Variants in CCDC80 observed in about 807,000 individuals in gnomAD.
CCDC80 encodes coiled-coil domain containing 80, also known as coiled-coil domain-containing protein 80.
In CCDC80, 49 loss-of-function variants were observed where a neutral mutation model predicts 78.7. That is an observed-to-expected ratio of 0.62 (90% CI 0.50 to 0.79). CCDC80 has a LOEUF of 0.79. Ranked by LOEUF, CCDC80 falls within the 30% of genes least tolerant of loss-of-function variation. The pLI is 0.00. For missense variants in CCDC80, 1,205 were observed against 1,198.6 expected, an observed-to-expected ratio of 1.01 and a Z score of -0.08; for synonymous variants, 488 against 447.0, an observed-to-expected ratio of 1.09 and a Z score of -1.16.
At chr3:112,611,017 G>A (rs1029148649) in intron 5 of CCDC80, among the ~76,000 whole-genome samples, 3 of 149,316 alleles carry the variant, frequency 2.0e-5, no homozygotes, top group South Asian at 2.1e-4. Context: ...AGGTTCAAGC[G>A]ATTCTCCTGC....
chr3:112,605,774 AT>A lies in CCDC80; in HGVS notation c.2507-12del, dbSNP rs778085263. 94 of 1,591,602 alleles carry A rather than the reference AT, an allele frequency of 5.9e-5. No homozygotes were observed. The highest frequency in any genetic ancestry group is 7.9e-5 in the Non-Finnish European group (92 of 1,161,790). The stretch of plus-strand genomic sequence containing the variant: ...CAACAACAGAGCTCCCTAGAATAAC[AT>A]TGGAATAGTTATTGTTAGTAGATTA... On this transcript the variant is annotated splice_polypyrimidine_tract_variant and intron_variant, in intron 7 of 7. Coordinates refer to ENST00000206423, the MANE Select transcript of CCDC80 (RefSeq NM_199511.3).
intron 5 of CCDC80, among the ~76,000 whole-genome samples, chr3:112,614,504 T>C (rs1397913214): frequency 6.6e-6 from 1 of 152,016 alleles, no homozygotes; most frequent in African/African-American, 2.4e-5. Context: ...GTTGGTGTTT[T>C]AATACCCCCG....
intron 3 of CCDC80, among the ~76,000 whole-genome samples, chr3:112,629,168 G>A (rs1936042053): frequency 6.6e-6 from 1 of 151,768 alleles, no homozygotes; most frequent in Non-Finnish European, 1.5e-5. Flanking sequence ...CAAATAATTA[G>A]TTATATATTA....
At chr3:112,628,262 C>T (rs1052560583) in intron 3 of CCDC80, among the ~76,000 whole-genome samples, 6 of 152,150 alleles carry the variant, frequency 3.9e-5, no homozygotes, top group African/African-American at 9.7e-5. Flanking sequence ...CCAATAAATA[C>T]GTGGCTTTGT....
intron 5 of CCDC80, among the ~76,000 whole-genome samples, chr3:112,612,223 T>C (rs944509020): frequency 6.6e-6 from 1 of 152,148 alleles, no homozygotes; most frequent in African/African-American, 2.4e-5. Context: ...GTACTTCTCC[T>C]GCTTCCTTAG....
chr3:112,613,070 A>T (rs1207701783), intron 5 of CCDC80, among the ~76,000 whole-genome samples: 1 of 152,010 alleles, frequency 6.6e-6, no homozygotes, highest in African/African-American at 2.4e-5. Flanking sequence ...TATTGAATGT[A>T]CCCTTCACAA....
chr3:112,624,690 G>A (rs1935933015), intron 3 of CCDC80, among the ~76,000 whole-genome samples: 1 of 152,148 alleles, frequency 6.6e-6, no homozygotes, highest in Admixed American at 6.5e-5. Flanking sequence ...AATAAAGAGT[G>A]TGTCCTGTCC....
At chr3:112,623,273 G>T (rs1378890474) in intron 3 of CCDC80, among the ~76,000 whole-genome samples, 2 of 152,148 alleles carry the variant, frequency 1.3e-5, no homozygotes, top group African/African-American at 4.8e-5. Context: ...AGACAGCAAT[G>T]ACACTGCAGA....
In CCDC80 at chr3:112,638,309, T is replaced by C. The variant is rs144252779; in HGVS notation, c.1597A>G (p.Lys533Glu). 1.2e-6 allele frequency: 2 copies of C among 1,614,176 alleles called. No homozygotes were observed. Among genetic ancestry groups the C allele is most frequent in the African/African-American group, 1.3e-5 (1 of 75,044 alleles). The change falls in exon 2 of 8, where the codon AAA becomes GAA. Residue 533 changes from lysine (K) to glutamate (E), a missense_variant. Coordinates refer to ENST00000206423, the MANE Select transcript of CCDC80 (RefSeq NM_199511.3). The stretch of plus-strand genomic sequence containing the variant: ...TCATGCTTTTTAGACTCCTTTGCTT[T>C]TTTAAGGGGAACATTCCCCACCTGC... ...ELQVGNVPLK[K>E]AKESKKHEKL...
At chr3:112,612,516 G>A (rs558963474) in intron 5 of CCDC80, among the ~76,000 whole-genome samples, 2 of 152,260 alleles carry the variant, frequency 1.3e-5, no homozygotes, top group East Asian at 3.9e-4. Flanking sequence ...CTCATGACAC[G>A]GAAGGAAACT....
intron 2 of CCDC80, among the ~76,000 whole-genome samples, chr3:112,633,681 T>C (rs1936146527): frequency 6.6e-6 from 1 of 152,160 alleles, no homozygotes; most frequent in Admixed American, 6.5e-5. Flanking sequence ...ACACTCTCCC[T>C]TACATTTAAT....
intron 3 of CCDC80, among the ~76,000 whole-genome samples, chr3:112,629,657 A>G (rs1936055289): frequency 6.6e-6 from 1 of 152,220 alleles, no homozygotes; most frequent in Admixed American, 6.5e-5. Flanking sequence ...AGCTTCTCTC[A>G]GTTCTGGTTA....
Position 112,602,463 on chromosome 3 carries a change from C to T in CCDC80, c.*2954G>A, listed in dbSNP as rs1935389827. The T allele has an allele frequency of 6.6e-6, 1 of 152,214 alleles. No individual in the cohort carries two copies. Among genetic ancestry groups the T allele is most frequent in the African/African-American group, 2.4e-5 (1 of 41,456 alleles). 9.4% of individuals were successfully genotyped at this position (152,214 alleles called of 1,614,324 possible). On this transcript the variant is annotated 3_prime_UTR_variant, in exon 8 of 8. Transcript: ENST00000206423. ...GTCAAAAGCTGAGACAGGCTGAAAGCTAAGCCTCTTATGCCAAACAACCAA... is the reference window on the plus strand; with the variant it reads ...GTCAAAAGCTGAGACAGGCTGAAAGTTAAGCCTCTTATGCCAAACAACCAA...
intron 5 of CCDC80, among the ~76,000 whole-genome samples, chr3:112,613,100 A>C (rs1935665112): frequency 6.6e-6 from 1 of 152,058 alleles, no homozygotes; most frequent in African/African-American, 2.4e-5. Context: ...ACAAAAATAC[A>C]CTTACTATGT....
At position 112,602,419 on chromosome 3, in the gene CCDC80, A is replaced by G. The variant is rs1446161667; in HGVS notation, c.*2998T>C. ...TTAAATCAAAAGCTAGAAATGAATA[A>G]GCTTAGTGAGGAAGGTGTGTCAAAA... On this transcript the variant is annotated 3_prime_UTR_variant, in exon 8 of 8. Transcript: ENST00000206423. 6.6e-6 allele frequency: 1 copy of G among 152,238 alleles called. No homozygotes were observed. Among genetic ancestry groups the G allele is most frequent in the Non-Finnish European group, 1.5e-5 (1 of 68,038 alleles). The allele number at this position is 152,238 out of a possible 1,614,324, so 9.4% of individuals were successfully genotyped here.
At chr3:112,637,944 T>C in intron 2 of CCDC80, 84 bp downstream of exon 2, 2 of 1,523,724 alleles carry the variant, frequency 1.3e-6, no homozygotes, top group South Asian at 1.4e-5. Context: ...CATCTAGCAA[T>C]ATGATTTTTA....
chr3:112,634,927 A>G (rs1217628628), intron 2 of CCDC80, among the ~76,000 whole-genome samples: 1 of 152,212 alleles, frequency 6.6e-6, no homozygotes, highest in Non-Finnish European at 1.5e-5. Flanking sequence ...ATGTGTAGAA[A>G]GGGGTAAATA....
intron 5 of CCDC80, among the ~76,000 whole-genome samples, chr3:112,612,329 C>T (rs1007703163): frequency 8.5e-5 from 13 of 152,086 alleles, no homozygotes; most frequent in African/African-American, 3.1e-4. Flanking sequence ...TTGGAAGGAG[C>T]TATTTTGGGT....
At chr3:112,637,949 T>A in intron 2 of CCDC80, 79 bp downstream of exon 2, 1 of 1,525,636 alleles carries the variant, frequency 6.6e-7, no homozygotes, top group Non-Finnish European at 8.7e-7. Context: ...AGCAATATGA[T>A]TTTTACAAAA....
Sources: allele counts gnomAD v4.1 joint callset (sites outside exome capture counted in the v4.1 genomes callset), GRCh38; gene constraint gnomAD v4.1.1; transcripts MANE v1.5; gene names NCBI Gene and HGNC (gene_info 2026-07-23, HGNC 2026-07-21).